The following MACROD2 variants were observed in gnomAD, a reference collection of about 807,000 sequenced individuals.
MACROD2 encodes mono-ADP ribosylhydrolase 2.
A neutral mutation model predicts 70.4 loss-of-function variants in MACROD2; 36 were observed. That is an observed-to-expected ratio of 0.51 (90% CI 0.39 to 0.68). The LOEUF is 0.68. Among genes scored for constraint, MACROD2 ranks in the 30% least tolerant of loss-of-function variants. The pLI is 0.00. For synonymous variants in MACROD2, 172 were observed against 178.8 expected (o/e 0.96, Z 0.30); for missense variants, 496 against 538.4 (o/e 0.92, Z 0.78).
intron 8 of MACROD2, among the ~76,000 whole-genome samples, chr20:15,821,064 T>C (rs553222255): frequency 2.0e-5 from 3 of 152,138 alleles, no homozygotes; most frequent in Non-Finnish European, 4.4e-5. Flanking sequence ...ACTGCAAATA[T>C]CTTCTCTGTG....
At chr20:15,784,600 T>C (rs2051889058) in intron 8 of MACROD2, among the ~76,000 whole-genome samples, 1 of 152,150 alleles carries the variant, frequency 6.6e-6, no homozygotes, top group Non-Finnish European at 1.5e-5. Flanking sequence ...CTGATCATCT[T>C]CTTCTGACAA....
At chr20:14,203,048 A>AG (rs1342926952) in intron 3 of MACROD2, among the ~76,000 whole-genome samples, 2 of 150,720 alleles carry the variant, frequency 1.3e-5, no homozygotes, top group Admixed American at 1.3e-4. Flanking sequence ...ACTCCATCTT[A>AG]GAAAAAAAAA....
chr20:14,834,330 A>G (rs962377382), intron 5 of MACROD2, among the ~76,000 whole-genome samples: 11 of 151,812 alleles, frequency 7.2e-5, no homozygotes, highest in African/African-American at 2.7e-4. Context: ...GAAAATGTTT[A>G]GTTTAAACAG....
chr20:14,407,943 A>G (rs1240320334), intron 3 of MACROD2, among the ~76,000 whole-genome samples: 1 of 152,198 alleles, frequency 6.6e-6, no homozygotes, highest in Non-Finnish European at 1.5e-5. Flanking sequence ...CAGTATCACT[A>G]AAAACTAATA....
chr20:14,240,198 G>C, intron 3 of MACROD2, among the ~76,000 whole-genome samples: 1 of 152,236 alleles, frequency 6.6e-6, no homozygotes, highest in South Asian at 2.1e-4. Context: ...ACACATGCTG[G>C]CAAGGTTGTA....
chr20:15,627,095 A>T (rs375862659), intron 8 of MACROD2, among the ~76,000 whole-genome samples: 4 of 152,028 alleles, frequency 2.6e-5, no homozygotes, highest in African/African-American at 9.7e-5. Flanking sequence ...GTAGGTAGAG[A>T]TGTGTGAAAA....
intron 3 of MACROD2, among the ~76,000 whole-genome samples, chr20:14,269,141 CTTA>C (rs1290717081): frequency 6.6e-6 from 1 of 152,068 alleles, no homozygotes; most frequent in East Asian, 1.9e-4. Flanking sequence ...TTTGCATTGC[CTTA>C]TTGTGTGTGT....
At chr20:14,902,193 T>A (rs2073902844) in intron 5 of MACROD2, among the ~76,000 whole-genome samples, 1 of 152,206 alleles carries the variant, frequency 6.6e-6, no homozygotes, top group Non-Finnish European at 1.5e-5. Flanking sequence ...ATACAATTTT[T>A]TTTAAATCAA....
intron 8 of MACROD2, among the ~76,000 whole-genome samples, chr20:15,597,359 T>C (rs2048759792): frequency 6.6e-6 from 1 of 152,152 alleles, no homozygotes; most frequent in African/African-American, 2.4e-5. Context: ...AAAGGGTAGG[T>C]CATTGCTCTG....
At chr20:15,210,158 C>A (rs181709154) in intron 5 of MACROD2, among the ~76,000 whole-genome samples, 1 of 152,274 alleles carries the variant, frequency 6.6e-6, no homozygotes, top group African/African-American at 2.4e-5. Flanking sequence ...AATATCCAAG[C>A]AAGCTTTGTG....
intron 8 of MACROD2, among the ~76,000 whole-genome samples, chr20:15,666,608 A>G (rs894367602): frequency 2.6e-5 from 4 of 152,198 alleles, no homozygotes; most frequent in Non-Finnish European, 5.9e-5. Context: ...GTTGTTACCT[A>G]GGTCAGCCTG....
chr20:14,620,476 CA>C (rs1373331572), intron 4 of MACROD2, among the ~76,000 whole-genome samples: 1 of 151,658 alleles, frequency 6.6e-6, no homozygotes, highest in Non-Finnish European at 1.5e-5. Context: ...GATAAATTTC[CA>C]AAAGTTAAAA....
chr20:14,257,529 A>G (rs1047974549), intron 3 of MACROD2, among the ~76,000 whole-genome samples: 4 of 152,092 alleles, frequency 2.6e-5, no homozygotes, highest in African/African-American at 7.2e-5. Context: ...GAATTTTTTC[A>G]CTATAGATGA....
intron 5 of MACROD2, chr20:14,893,487 T>C (rs1436047613): frequency 6.6e-6 from 1 of 152,196 alleles, no homozygotes; most frequent in East Asian, 1.9e-4. Context: ...GAATGTGATA[T>C]GCATACACGG....
chr20:14,055,990 G>A (rs1007526713), intron 2 of MACROD2, among the ~76,000 whole-genome samples: 1 of 152,048 alleles, frequency 6.6e-6, no homozygotes, highest in Admixed American at 6.6e-5. Context: ...CTGTGTTACC[G>A]ACATTTCTGT....
intron 16 of MACROD2, among the ~76,000 whole-genome samples, chr20:16,042,536 T>A (rs2067320981): frequency 1.3e-5 from 2 of 152,080 alleles, no homozygotes; most frequent in Non-Finnish European, 2.9e-5. Context: ...TAACAAGATT[T>A]AAAGTTGCTT....
At position 15,953,200 on chromosome 20, in the gene MACROD2, G is replaced by A. The variant is rs554000161; in HGVS notation, c.908-14353G>A. ...GTAAAAAGTAGTTCAGGATACTAGA[G>A]GCTGGAAAGGGGAGGGGGAAGTGGC... On this transcript the variant is annotated intron_variant, in intron 12 of 17. Transcript: ENST00000684519. 4.9e-4 allele frequency among the ~76,000 whole-genome samples: 74 copies of A among 152,226 alleles called. No homozygotes were observed. The South Asian group carries it at 7.1e-3, about 15-fold the overall frequency.
chr20:15,120,215 T>C (rs1338467815), intron 5 of MACROD2, among the ~76,000 whole-genome samples: 1 of 152,184 alleles, frequency 6.6e-6, no homozygotes, highest in Non-Finnish European at 1.5e-5. Context: ...TACATGTTAT[T>C]CTTTGTCATC....
intron 4 of MACROD2, among the ~76,000 whole-genome samples, chr20:14,534,724 A>C (rs969742913): frequency 2.6e-5 from 4 of 151,982 alleles, no homozygotes; most frequent in Non-Finnish European, 5.9e-5. Flanking sequence ...GAGTAGGGGA[A>C]GGATAGTTTT....
Sources: allele counts gnomAD v4.1 joint callset (sites outside exome capture counted in the v4.1 genomes callset), GRCh38; gene constraint gnomAD v4.1.1; transcripts MANE v1.5; gene names NCBI Gene and HGNC (gene_info 2026-07-23, HGNC 2026-07-21).